SYNGR1: variants seen among roughly 807,000 people sequenced by gnomAD.
SYNGR1 encodes the protein synaptogyrin 1.
Under a neutral mutation model 26.1 loss-of-function variants are expected in SYNGR1, and 14 were observed. The ratio of observed to expected loss-of-function variants is 0.54; its 90% CI spans 0.35 to 0.84. The LOEUF is 0.84. SYNGR1 is among the 40% of genes least tolerant of loss of function. The pLI is 0.01. For missense variants in SYNGR1, 319 were observed against 332.9 expected, an observed-to-expected ratio of 0.96 and a Z score of 0.33; for synonymous variants, 141 against 150.1, an observed-to-expected ratio of 0.94 and a Z score of 0.44.
intron 1 of SYNGR1, among the ~76,000 whole-genome samples, chr22:39,374,065 G>A (rs972212681): frequency 6.6e-6 from 1 of 152,156 alleles, no homozygotes; most frequent in Non-Finnish European, 1.5e-5. Flanking sequence ...GTTGGAAGGG[G>A]CCACATCTAT....
At chr22:39,378,248 A>C in intron 3 of SYNGR1, 3 of 1,021,648 alleles carry the variant, frequency 2.9e-6, no homozygotes, top group Non-Finnish European at 3.5e-6. Context: ...CACCTCTCTC[A>C]GCCTCAGTCC....
chr22:39,367,326 C>T (rs1283014141), intron 1 of SYNGR1, among the ~76,000 whole-genome samples: 1 of 152,258 alleles, frequency 6.6e-6, no homozygotes, highest in African/African-American at 2.4e-5. Flanking sequence ...TCACTCCACT[C>T]CAGCAAACAA....
Position 39,382,149 on chromosome 22 carries a change from G to T in SYNGR1, c.*235G>T. On this transcript the variant is annotated 3_prime_UTR_variant, in exon 4 of 4. Transcript: ENST00000328933. ...AGGGGCCTAGAGGGTGGGGGCCAGG[G>T]GTATTTGCATTCATACATTGTGTCA... 1 of 599,840 alleles carries T rather than the reference G, an allele frequency of 1.7e-6. No individual in the cohort carries two copies. Among genetic ancestry groups the T allele is most frequent in the Middle Eastern group, 4.5e-4 (1 of 2,238 alleles). 37.2% of individuals were successfully genotyped at this position (599,840 alleles called of 1,614,324 possible). A position where few individuals can be genotyped will look rare whatever the true frequency, so the allele number is the denominator to read the frequency against.
At chr22:39,367,453 G>C (rs536262310) in intron 1 of SYNGR1, among the ~76,000 whole-genome samples, 2 of 152,318 alleles carry the variant, frequency 1.3e-5, no homozygotes, top group Admixed American at 6.5e-5. Context: ...AGGTGGTAGG[G>C]GGAGTGGAAG....
At chr22:39,378,049 T>C (rs2145633230) in intron 3 of SYNGR1, 1 of 1,190,720 alleles carries the variant, frequency 8.4e-7, no homozygotes, top group South Asian at 1.6e-5. Context: ...AGCGGCCCCA[T>C]ACATGGGCTG....
At chr22:39,372,767 C>G (rs1925088413) in intron 1 of SYNGR1, among the ~76,000 whole-genome samples, 1 of 152,052 alleles carries the variant, frequency 6.6e-6, no homozygotes, top group South Asian at 2.1e-4. Context: ...CTGTGCCTGG[C>G]CTGGGTGGAT....
At chr22:39,371,263 G>A (rs531052459) in intron 1 of SYNGR1, among the ~76,000 whole-genome samples, 1 of 151,096 alleles carries the variant, frequency 6.6e-6, no homozygotes, top group East Asian at 2.0e-4. Flanking sequence ...GATCACCTGA[G>A]GTCGGGAGTT....
intron 2 of SYNGR1, chr22:39,375,848 C>G (rs559862322): frequency 1.4e-6 from 1 of 702,622 alleles, no homozygotes; most frequent in East Asian, 2.7e-5. Flanking sequence ...CTGCATCTGG[C>G]TGGCTTCCCT....
chr22:39,364,900 C>A (rs1307478459), intron 1 of SYNGR1, among the ~76,000 whole-genome samples: 1 of 152,188 alleles, frequency 6.6e-6, no homozygotes, highest in Non-Finnish European at 1.5e-5. Context: ...TAGATCTCCA[C>A]CAAGCGCCAT....
At chr22:39,378,413 A>G (rs1267698011) in intron 3 of SYNGR1, 1 of 982,782 alleles carries the variant, frequency 1.0e-6, no homozygotes, top group Non-Finnish European at 1.2e-6. Flanking sequence ...CTCTCCAGAG[A>G]GTCAGGGGCA....
chr22:39,369,957 A>G (rs1024979237), intron 1 of SYNGR1, among the ~76,000 whole-genome samples: 2 of 152,046 alleles, frequency 1.3e-5, no homozygotes, highest in African/African-American at 4.8e-5. Flanking sequence ...TACCATTTTA[A>G]TGTTGTATAA....
intron 1 of SYNGR1, among the ~76,000 whole-genome samples, chr22:39,355,815 C>T (rs1442632908): frequency 5.3e-5 from 8 of 152,052 alleles, no homozygotes; most frequent in African/African-American, 9.7e-5. Flanking sequence ...GTCAGGAGTT[C>T]GAGACCAGCC....
chr22:39,353,537 G>A (rs993667634), intron 1 of SYNGR1, among the ~76,000 whole-genome samples: 5 of 152,204 alleles, frequency 3.3e-5, no homozygotes, highest in Non-Finnish European at 7.3e-5. Context: ...TCGCCCCAGT[G>A]GCAGATCAGC....
At chr22:39,359,523 C>T (rs112796610) in intron 1 of SYNGR1, among the ~76,000 whole-genome samples, 22,224 of 150,322 alleles carry the variant, frequency 0.15, 3,089 homozygotes, top group African/African-American at 0.36. Context: ...CCCAGCTACC[C>T]GGGAGGCTGA....
At chr22:39,381,262 A>C (rs1206134230) in intron 3 of SYNGR1, among the ~76,000 whole-genome samples, 6 of 152,236 alleles carry the variant, frequency 3.9e-5, no homozygotes, top group South Asian at 2.1e-4. Context: ...GCCAAAACGT[A>C]GTCACATGGC....
chr22:39,376,705 G>A (rs1303315355), intron 3 of SYNGR1, among the ~76,000 whole-genome samples: 2 of 152,206 alleles, frequency 1.3e-5, no homozygotes, highest in Non-Finnish European at 2.9e-5. Context: ...AGATGCACAT[G>A]GGCCAGGCAG....
chr22:39,368,415 G>C (rs1283807637), intron 1 of SYNGR1, among the ~76,000 whole-genome samples: 1 of 152,200 alleles, frequency 6.6e-6, no homozygotes, highest in Non-Finnish European at 1.5e-5. Flanking sequence ...AGGGTCTCTT[G>C]GACTGAATTA....
chr22:39,366,878 C>G (rs1006557624), intron 1 of SYNGR1, among the ~76,000 whole-genome samples: 14 of 152,208 alleles, frequency 9.2e-5, no homozygotes, highest in African/African-American at 3.4e-4. Flanking sequence ...CTGAACTCAC[C>G]CTGGCCCTCA....
intron 2 of SYNGR1, 104 bp from the exon 3 acceptor site, chr22:39,375,948 A>T: frequency 3.4e-6 from 5 of 1,476,238 alleles, no homozygotes; most frequent in Non-Finnish European, 4.7e-6. Flanking sequence ...TGGGAGATGC[A>T]CTCTTGAATG....
Sources: allele counts gnomAD v4.1 joint callset (sites outside exome capture counted in the v4.1 genomes callset), GRCh38; gene constraint gnomAD v4.1.1; transcripts MANE v1.5; gene names NCBI Gene and HGNC (gene_info 2026-07-23, HGNC 2026-07-21).